The following MAP2 variants were observed in gnomAD, a reference collection of about 807,000 sequenced individuals.
MAP2 encodes the protein microtubule-associated protein 2.
In MAP2, 14 loss-of-function variants were observed where a neutral mutation model predicts 137.6. The ratio of observed to expected loss-of-function variants is 0.10; its 90% CI spans 0.07 to 0.16. MAP2 has a LOEUF of 0.16. MAP2 is among the 10% of genes least tolerant of loss of function. The pLI, the probability that MAP2 is intolerant of heterozygous loss-of-function variation, is 1.00. For missense variants in MAP2, 2,088 were observed against 2,191.5 expected (o/e 0.95, Z 0.94); for synonymous variants, 786 against 782.3 (o/e 1.00, Z -0.08).
intron 1 of MAP2, among the ~76,000 whole-genome samples, chr2:209,487,617 A>G (rs1396994617): frequency 2.0e-5 from 3 of 152,224 alleles, no homozygotes. Flanking sequence ...TTAATAATGC[A>G]TTCAGTTAAC....
intron 4 of MAP2, among the ~76,000 whole-genome samples, chr2:209,649,858 A>T (rs2094662188): frequency 6.6e-6 from 1 of 152,208 alleles, no homozygotes; most frequent in Non-Finnish European, 1.5e-5. Context: ...ATTAAGCGAA[A>T]TCAGTATGGC....
chr2:209,428,362 C>T (rs1204798653), intron 1 of MAP2, among the ~76,000 whole-genome samples: 1 of 148,644 alleles, frequency 6.7e-6, no homozygotes, highest in African/African-American at 2.5e-5. Flanking sequence ...TTAAAACACA[C>T]ACTAGAGGGG....
intron 2 of MAP2, among the ~76,000 whole-genome samples, chr2:209,526,090 G>T (rs530520750): frequency 6.6e-6 from 1 of 152,162 alleles, no homozygotes; most frequent in Non-Finnish European, 1.5e-5. Flanking sequence ...GCAACACAGA[G>T]GAGGTTTGTT....
intron 1 of MAP2, among the ~76,000 whole-genome samples, chr2:209,440,587 A>G (rs1343992031): frequency 6.6e-6 from 1 of 151,522 alleles, no homozygotes; most frequent in Non-Finnish European, 1.5e-5. Flanking sequence ...ACACTTTTAC[A>G]CAAATCAGTC....
At chr2:209,489,707 A>G (rs2058834165) in intron 1 of MAP2, among the ~76,000 whole-genome samples, 1 of 152,218 alleles carries the variant, frequency 6.6e-6, no homozygotes, top group African/African-American at 2.4e-5. Flanking sequence ...TTGAAGATCA[A>G]TTTAATGAAA....
At chr2:209,597,736 TG>T (rs1373331066) in intron 3 of MAP2, among the ~76,000 whole-genome samples, 1 of 152,150 alleles carries the variant, frequency 6.6e-6, no homozygotes, top group African/African-American at 2.4e-5. Flanking sequence ...TTGCATTTTT[TG>T]TTTTTTTTGT....
At chr2:209,441,625 C>T (rs779313826) in intron 1 of MAP2, among the ~76,000 whole-genome samples, 3 of 151,496 alleles carry the variant, frequency 2.0e-5, no homozygotes, top group Non-Finnish European at 4.4e-5. Flanking sequence ...ATGCCCAGTG[C>T]AATCAGAGTA....
chr2:209,534,328 G>A lies in MAP2; in HGVS notation c.-172+26687G>A, dbSNP rs371175520. Among the ~76,000 whole-genome samples the A allele has an allele frequency of 5.3e-5, 8 of 152,278 alleles. No individual in the cohort carries two copies. In the East Asian group the frequency reaches 1.5e-3, roughly 29 times the overall value. On this transcript the variant is annotated intron_variant, in intron 2 of 15. Coordinates refer to ENST00000682079, the MANE Select transcript of MAP2 (RefSeq NM_001375505.1). Reference sequence around the variant, plus strand: ...AGAGAAGTTGATGGTTTTGCCCAAGGCCACTTGGATAAATAGAGAAATAGG... The same window carrying A: ...AGAGAAGTTGATGGTTTTGCCCAAGACCACTTGGATAAATAGAGAAATAGG...
At chr2:209,628,071 T>G (rs990681781) in intron 4 of MAP2, among the ~76,000 whole-genome samples, 5 of 152,148 alleles carry the variant, frequency 3.3e-5, no homozygotes, top group African/African-American at 1.2e-4. Context: ...TTATGTAGAA[T>G]TCACATATTT....
chr2:209,699,071 G>C, intron 10 of MAP2, among the ~76,000 whole-genome samples: 1 of 152,184 alleles, frequency 6.6e-6, no homozygotes, highest in Non-Finnish European at 1.5e-5. Flanking sequence ...CTAATGTTAA[G>C]ATACTTTAGG....
Position 209,475,320 on chromosome 2 carries a change from TCTC to T in MAP2, c.-221-32268_-221-32266del, listed in dbSNP as rs566018152. ...AAAATATATAAACTGTGTATAGAGT[TCTC>T]CTCTTGTTTTTATTTATTTAAGCCA... On this transcript the variant is annotated intron_variant, in intron 1 of 15. Transcript: ENST00000682079. Among the ~76,000 whole-genome samples the T allele has an allele frequency of 3.1e-3, 475 of 152,168 alleles. 2 individuals are homozygous for T. The highest frequency in any genetic ancestry group is 0.011 in the African/African-American group (450 of 41,550).
rs1345698346 is a variant in MAP2 at position 209,694,060 on chromosome 2, T to G, written c.1890T>G (p.Pro630=). Residue 630 remains proline (P), a synonymous_variant, in exon 8 of 16, where the codon CCT becomes CCG. Transcript: ENST00000682079. ...CAGGAAAAGAATCCCAGCCCAGTCC[T>G]CCAGCACAAGAAGCAGGGTACAGCA... is the stretch of plus-strand genomic sequence containing the variant. The part of the protein sequence containing the change: ...FQTGKESQPS[P]PAQEAGYSTL... 2 of 1,613,130 alleles carry G rather than the reference T, an allele frequency of 1.2e-6. No homozygotes were observed. The highest frequency in any genetic ancestry group is 2.7e-5 in the African/African-American group (2 of 74,838).
chr2:209,441,507 C>T (rs1173493236), intron 1 of MAP2, among the ~76,000 whole-genome samples: 1 of 151,518 alleles, frequency 6.6e-6, no homozygotes, highest in Non-Finnish European at 1.5e-5. Context: ...GAGGTATCCC[C>T]AAAGGATTTA....
intron 2 of MAP2, among the ~76,000 whole-genome samples, chr2:209,553,272 A>G (rs2069658491): frequency 6.6e-6 from 1 of 152,072 alleles, no homozygotes; most frequent in African/African-American, 2.4e-5. Flanking sequence ...CGGCCTCCCA[A>G]AGTGCTGGGA....
chr2:209,726,072 G>A lies in MAP2; in HGVS notation c.5155+282G>A, dbSNP rs549068309. Among the ~76,000 whole-genome samples, 8 of 152,234 alleles carry A rather than the reference G, an allele frequency of 5.3e-5. No homozygotes were observed. The South Asian group carries it at 1.5e-3, about 28-fold the overall frequency. On this transcript the variant is annotated intron_variant, in intron 14 of 15. Coordinates refer to ENST00000682079, the MANE Select transcript of MAP2 (RefSeq NM_001375505.1). Reference sequence around the variant, plus strand: ...TCAACACGCTTATTGGAGCTCCTTTGAAATACGTAGTCTATAAAATACATC... The same window carrying A: ...TCAACACGCTTATTGGAGCTCCTTTAAAATACGTAGTCTATAAAATACATC...
chr2:209,639,270 G>T (rs2093818774), intron 4 of MAP2, among the ~76,000 whole-genome samples: 1 of 152,190 alleles, frequency 6.6e-6, no homozygotes, highest in Admixed American at 6.5e-5. Flanking sequence ...CATCAAAATT[G>T]TATAAAACAT....
chr2:209,529,726 C>G (rs548900238), intron 2 of MAP2, among the ~76,000 whole-genome samples: 1 of 152,208 alleles, frequency 6.6e-6, no homozygotes, highest in South Asian at 2.1e-4. Context: ...GCAATAAATA[C>G]TTTGAGCAAA....
At chr2:209,587,339 G>A (rs1038428259) in intron 3 of MAP2, among the ~76,000 whole-genome samples, 12 of 152,084 alleles carry the variant, frequency 7.9e-5, no homozygotes, top group Admixed American at 2.6e-4. Flanking sequence ...AGCCACAGGG[G>A]AACAGAAGAT....
chr2:209,599,424 T>C (rs2082340826), intron 3 of MAP2, among the ~76,000 whole-genome samples: 1 of 152,110 alleles, frequency 6.6e-6, no homozygotes, highest in Non-Finnish European at 1.5e-5. Flanking sequence ...GTTCCACTCA[T>C]CAAAATCCCA....
Sources: allele counts gnomAD v4.1 joint callset (sites outside exome capture counted in the v4.1 genomes callset), GRCh38; gene constraint gnomAD v4.1.1; transcripts MANE v1.5; gene names NCBI Gene and HGNC (gene_info 2026-07-23, HGNC 2026-07-21).